Variants in TTLL11 observed in about 807,000 individuals in gnomAD.
TTLL11 encodes tubulin polyglutamylase TTLL11.
In TTLL11, 42 loss-of-function variants were observed where a neutral mutation model predicts 51.7. That is an observed-to-expected ratio of 0.81 (90% CI 0.64 to 1.05). The LOEUF is 1.05. TTLL11 is among the 50% of genes least tolerant of loss of function. TTLL11 has a pLI of 0.00. For missense variants in TTLL11, 799 were observed against 940.4 expected (o/e 0.85, Z 1.97); for synonymous variants, 381 against 383.5 (o/e 0.99, Z 0.08).
chr9:121,952,166 G>A (rs760436414), intron 6 of TTLL11, among the ~76,000 whole-genome samples: 2 of 152,274 alleles, frequency 1.3e-5, no homozygotes, highest in Non-Finnish European at 2.9e-5. Flanking sequence ...GAGGACTAGG[G>A]CCGGGCGCAG....
At chr9:121,873,642 CTCTTCTTCT>C (rs376804339) in intron 6 of TTLL11, among the ~76,000 whole-genome samples, 11 of 134,052 alleles carry the variant, frequency 8.2e-5, no homozygotes, top group African/African-American at 1.7e-4. Context: ...TCCTCCTCCT[CTCTTCTTCT>C]TCTTCTTCTT....
chr9:121,851,886 T>G (rs995302010), intron 8 of TTLL11, among the ~76,000 whole-genome samples: 1 of 152,124 alleles, frequency 6.6e-6, no homozygotes, highest in African/African-American at 2.4e-5. Context: ...ATGCTGTTGT[T>G]GTTAACGCCA....
At chr9:122,007,154 T>A (rs543790811) in intron 3 of TTLL11, among the ~76,000 whole-genome samples, 1 of 152,078 alleles carries the variant, frequency 6.6e-6, no homozygotes, top group East Asian at 1.9e-4. Flanking sequence ...GAGAGGGCAC[T>A]GGAATGACAC....
chr9:121,858,247 A>C (rs1837886655), intron 8 of TTLL11, among the ~76,000 whole-genome samples: 1 of 151,734 alleles, frequency 6.6e-6, no homozygotes, highest in African/African-American at 2.4e-5. Context: ...TTTGCTTTTG[A>C]CTTAAAGAAA....
intron 4 of TTLL11, among the ~76,000 whole-genome samples, chr9:121,986,216 G>C (rs1353152017): frequency 6.6e-6 from 1 of 152,122 alleles, no homozygotes; most frequent in Admixed American, 6.5e-5. Context: ...GCTCCCCACA[G>C]CTTGGGCCCC....
chr9:122,028,925 G>T (rs914769182), intron 3 of TTLL11, among the ~76,000 whole-genome samples: 39 of 152,110 alleles, frequency 2.6e-4, no homozygotes, highest in African/African-American at 8.7e-4. Flanking sequence ...ATAACCCATG[G>T]GCAGAGGAGA....
intron 6 of TTLL11, among the ~76,000 whole-genome samples, chr9:121,954,178 C>T (rs1339590123): frequency 6.6e-6 from 1 of 152,210 alleles, no homozygotes; most frequent in Non-Finnish European, 1.5e-5. Flanking sequence ...AGTGCATCAG[C>T]TGCAGTGACA....
intron 3 of TTLL11, among the ~76,000 whole-genome samples, chr9:121,994,560 G>A (rs2131706186): frequency 6.6e-6 from 1 of 152,246 alleles, no homozygotes; most frequent in South Asian, 2.1e-4. Flanking sequence ...AGGTCACAAA[G>A]GCAGGATTTG....
Position 121,881,639 on chromosome 9 carries a change from A to G in TTLL11, c.1482-10891T>C, listed in dbSNP as rs79340964. ...CAGCATCACGCCAGGAGTTCATGAC[A>G]TTTGTATCCCACTTTCCAAAGCAAT... On this transcript the variant is annotated intron_variant, in intron 6 of 8. Coordinates refer to ENST00000321582, the MANE Select transcript of TTLL11 (RefSeq NM_001139442.2). Among the ~76,000 whole-genome samples, 375 of 152,330 alleles carry G rather than the reference A, an allele frequency of 2.5e-3. 1 individual carries two copies. The highest frequency in any genetic ancestry group is 3.7e-3 in the Non-Finnish European group (252 of 68,036).
chr9:121,822,326 C>T lies in TTLL11; in HGVS notation c.*261G>A. The T allele has an allele frequency of 3.3e-6, 1 of 300,584 alleles. No individual in the cohort carries two copies. Among genetic ancestry groups the T allele is most frequent in the Non-Finnish European group, 6.1e-6 (1 of 164,248 alleles). 18.6% of individuals were successfully genotyped at this position (300,584 alleles called of 1,614,324 possible). On this transcript the variant is annotated 3_prime_UTR_variant, in exon 9 of 9. Transcript: ENST00000321582. This position sits in a 1 kb window ranked among gnomAD's most constrained non-coding sequence, Gnocchi z 5.8. ...GTGAGCCCAGAATAGAAGGTGCCAT[C>T]TGTCACGTTTTAGATGTCATATGTC... is the stretch of plus-strand genomic sequence containing the variant.
chr9:121,828,360 G>A (rs985040508), intron 8 of TTLL11, among the ~76,000 whole-genome samples: 19 of 152,018 alleles, frequency 1.2e-4, no homozygotes, highest in Admixed American at 6.6e-4. Flanking sequence ...TTTTAGTAGA[G>A]ATGGGGGTTT....
In TTLL11 at chr9:121,818,646, G is replaced by A; in HGVS notation, c.*3941C>T. The stretch of plus-strand genomic sequence containing the variant: ...ACTCTGTTTGGGGGATTGCAGCGGG[G>A]ACACTGGAACTGAACCTTGAAAGTC... On this transcript the variant is annotated 3_prime_UTR_variant, in exon 9 of 9. Transcript: ENST00000321582. The A allele has an allele frequency of 6.6e-6, 1 of 152,532 alleles. No homozygotes were observed. Among genetic ancestry groups the A allele is most frequent in the Non-Finnish European group, 1.5e-5 (1 of 68,162 alleles). 9.4% of individuals were successfully genotyped at this position (152,532 alleles called of 1,614,324 possible). A position where few individuals can be genotyped will look rare whatever the true frequency, so the allele number is the denominator to read the frequency against.
At position 122,084,484 on chromosome 9, in the gene TTLL11, C is replaced by T. The variant is rs560316059; in HGVS notation, c.462+8203G>A. ...GAATAGAGAAACCTAATCGTTCTCTCCAGCAAAACAATAACCTCTGTGGAG... is the reference window on the plus strand; with the variant it reads ...GAATAGAGAAACCTAATCGTTCTCTTCAGCAAAACAATAACCTCTGTGGAG... On this transcript the variant is annotated intron_variant, in intron 1 of 8. Coordinates refer to ENST00000321582, the MANE Select transcript of TTLL11 (RefSeq NM_001139442.2). 2.6e-5 allele frequency among the ~76,000 whole-genome samples: 4 copies of T among 152,244 alleles called. No individual in the cohort carries two copies. The South Asian group carries it at 6.2e-4, about 24-fold the overall frequency.
At chr9:122,037,343 CA>C in intron 2 of TTLL11, among the ~76,000 whole-genome samples, 1 of 152,216 alleles carries the variant, frequency 6.6e-6, no homozygotes, top group Non-Finnish European at 1.5e-5. Context: ...ACTCTGGCTG[CA>C]AGAATCATTC....
chr9:121,964,287 T>TTTTTTTG (rs761848889), intron 6 of TTLL11, among the ~76,000 whole-genome samples: 9 of 151,762 alleles, frequency 5.9e-5, no homozygotes, highest in Non-Finnish European at 1.2e-4. Context: ...TTCTTTTCCT[T>TTTTTTTG]TTTTTTGTTT....
intron 2 of TTLL11, among the ~76,000 whole-genome samples, chr9:122,037,365 A>G (rs1008658628): frequency 1.3e-5 from 2 of 152,196 alleles, no homozygotes; most frequent in African/African-American, 4.8e-5. Flanking sequence ...TTGTTCTGTA[A>G]CAAAACCCTT....
At chr9:121,882,452 C>A (rs898321553) in intron 6 of TTLL11, among the ~76,000 whole-genome samples, 4 of 152,182 alleles carry the variant, frequency 2.6e-5, no homozygotes, top group African/African-American at 2.4e-5. Flanking sequence ...AATCTTTCTC[C>A]AATCTTGCTT....
chr9:121,905,407 G>C (rs1839909924), intron 6 of TTLL11, among the ~76,000 whole-genome samples: 2 of 150,976 alleles, frequency 1.3e-5, no homozygotes, highest in African/African-American at 4.9e-5. Context: ...GCTGGAGTGA[G>C]ATGGCACGAA....
intron 6 of TTLL11, among the ~76,000 whole-genome samples, chr9:121,951,899 T>C (rs1392863831): frequency 2.0e-5 from 3 of 152,220 alleles, no homozygotes; most frequent in East Asian, 3.9e-4. Flanking sequence ...TTTTAGACCA[T>C]ATAGGGTTAC....
Sources: allele counts gnomAD v4.1 joint callset (sites outside exome capture counted in the v4.1 genomes callset), GRCh38; gene constraint gnomAD v4.1.1; non-coding constraint Gnocchi (gnomAD v3.1); transcripts MANE v1.5; gene names NCBI Gene and HGNC (gene_info 2026-07-23, HGNC 2026-07-21).